L3MBTL4: variants seen among roughly 807,000 people sequenced by gnomAD.
L3MBTL4 encodes L3MBTL histone methyl-lysine binding protein 4.
In L3MBTL4, 70 loss-of-function variants were observed where a neutral mutation model predicts 84.5. That is an observed-to-expected ratio of 0.83 (90% CI 0.68 to 1.01). The LOEUF (loss-of-function observed/expected upper bound fraction) is 1.01, where lower values mean the gene tolerates loss of function less well. L3MBTL4 is among the 50% of genes least tolerant of loss of function. L3MBTL4 has a pLI of 0.00. For synonymous variants in L3MBTL4, 274 were observed against 259.8 expected, an observed-to-expected ratio of 1.05 and a Z score of -0.52; for missense variants, 715 against 754.8, an observed-to-expected ratio of 0.95 and a Z score of 0.62.
chr18:6,151,428 T>C (rs561652128), intron 13 of L3MBTL4, among the ~76,000 whole-genome samples: 2 of 152,196 alleles, frequency 1.3e-5, no homozygotes, highest in African/African-American at 2.4e-5. Context: ...TTTTCACTCT[T>C]GTTGCCCAGG....
intron 16 of L3MBTL4, among the ~76,000 whole-genome samples, chr18:6,028,245 G>GT (rs1383634440): frequency 1.3e-5 from 2 of 152,138 alleles, no homozygotes; most frequent in Non-Finnish European, 2.9e-5. Flanking sequence ...TCCAGTTTCT[G>GT]TTTTTTGCAT....
At chr18:6,355,879 C>CT (rs1399250317) in intron 1 of L3MBTL4, among the ~76,000 whole-genome samples, 1 of 151,832 alleles carries the variant, frequency 6.6e-6, no homozygotes, top group African/African-American at 2.4e-5. Context: ...ACCTCTGAAG[C>CT]TAGTACCATG....
rs9961686 is a variant in L3MBTL4 at position 6,043,636 on chromosome 18, A to G, written c.1444+37245T>C. Among the ~76,000 whole-genome samples, 5 of 152,214 alleles carry G rather than the reference A, an allele frequency of 3.3e-5. No homozygotes were observed. The East Asian group carries it at 5.8e-4, about 18-fold the overall frequency. ...AGGTTGATGTCTTTCAATACGGTCA[A>G]TCGATTAATCTATCTGCCCCACTAC... On this transcript the variant is annotated intron_variant, in intron 16 of 18. Transcript: ENST00000317931.
intron 12 of L3MBTL4, among the ~76,000 whole-genome samples, chr18:6,207,792 T>C (rs2045934426): frequency 6.6e-6 from 1 of 152,038 alleles, no homozygotes; most frequent in Non-Finnish European, 1.5e-5. Flanking sequence ...TCTATCCTCG[T>C]ATTTCAAAGC....
At chr18:6,389,407 T>G (rs341207) in intron 1 of L3MBTL4, among the ~76,000 whole-genome samples, 78,526 of 151,930 alleles carry the variant, frequency 0.52, 20,361 homozygotes, top group East Asian at 0.59. Flanking sequence ...AAAGTAGCTA[T>G]GTAATAATTA....
intron 16 of L3MBTL4, among the ~76,000 whole-genome samples, chr18:6,078,540 C>A (rs562753127): frequency 2.0e-5 from 3 of 150,340 alleles, no homozygotes; most frequent in Non-Finnish European, 4.4e-5. Context: ...ATTAAATAAT[C>A]GTTTAATATC....
intron 1 of L3MBTL4, among the ~76,000 whole-genome samples, chr18:6,380,438 TC>T (rs912491439): frequency 1.9e-3 from 283 of 152,374 alleles, no homozygotes; most frequent in African/African-American, 6.6e-3. Context: ...TTTTCTGCTT[TC>T]CCTTGTGGGC....
intron 12 of L3MBTL4, among the ~76,000 whole-genome samples, chr18:6,209,809 T>C (rs2046029593): frequency 6.6e-6 from 1 of 152,056 alleles, no homozygotes; most frequent in African/African-American, 2.4e-5. Flanking sequence ...TATTCAGAAA[T>C]AAAAAGGAAT....
chr18:6,404,421 G>A lies in L3MBTL4; in HGVS notation c.-91+10380C>T, dbSNP rs374910739. On this transcript the variant is annotated intron_variant, in intron 1 of 18. Coordinates refer to ENST00000317931, the MANE Select transcript of L3MBTL4 (RefSeq NM_001330559.2). ...ACATTTATTTGTATACCTGGCAGGG[G>A]AGGAGGGAAATTCAGGCTCTGGGAA... Among the ~76,000 whole-genome samples the A allele has an allele frequency of 1.0e-3, 156 of 152,320 alleles. 1 individual carries two copies. The highest frequency in any genetic ancestry group is 3.1e-3 in the African/African-American group (130 of 41,566).
rs766697139 is a variant in L3MBTL4 at position 6,363,162 on chromosome 18, G to A, written c.-90-51106C>T. ...AAGGAGAGAAAAATCGCCAAAAAAC[G>A]GTCAAGTCTCCGTTTCCTGAGTTCG... On this transcript the variant is annotated intron_variant, in intron 1 of 18. Transcript: ENST00000317931. Among the ~76,000 whole-genome samples the A allele has an allele frequency of 2.6e-5, 4 of 152,252 alleles. No homozygotes were observed. The East Asian group carries it at 7.7e-4, about 29-fold the overall frequency.
intron 15 of L3MBTL4, among the ~76,000 whole-genome samples, chr18:6,090,057 CAAATGAAAG>C (rs1321875805): frequency 6.6e-6 from 1 of 152,068 alleles, no homozygotes; most frequent in Non-Finnish European, 1.5e-5. Flanking sequence ...TATATGTACC[CAAATGAAAG>C]AAACTCAAGT....
At chr18:6,231,838 T>C (rs1378138002) in intron 10 of L3MBTL4, among the ~76,000 whole-genome samples, 3 of 152,130 alleles carry the variant, frequency 2.0e-5, no homozygotes, top group Non-Finnish European at 4.4e-5. Context: ...AATTTTGGCT[T>C]CTAACAGATA....
chr18:5,985,314 A>T (rs1233756443), intron 16 of L3MBTL4, among the ~76,000 whole-genome samples: 2 of 152,188 alleles, frequency 1.3e-5, no homozygotes, highest in Non-Finnish European at 2.9e-5. Flanking sequence ...ATAATGTTGC[A>T]GGTAAAGAAT....
At chr18:6,029,362 C>A in intron 16 of L3MBTL4, 4 of 716,846 alleles carry the variant, frequency 5.6e-6, no homozygotes, top group Non-Finnish European at 6.8e-6. Flanking sequence ...GAATAAAGAA[C>A]TTTCAATAGG....
At chr18:6,109,117 G>A (rs1427821704) in intron 14 of L3MBTL4, among the ~76,000 whole-genome samples, 1 of 152,122 alleles carries the variant, frequency 6.6e-6, no homozygotes, top group Non-Finnish European at 1.5e-5. Context: ...AAGAAAACTA[G>A]TGAAGGTACA....
At chr18:6,252,827 G>T (rs1047118742) in intron 5 of L3MBTL4, among the ~76,000 whole-genome samples, 1 of 152,234 alleles carries the variant, frequency 6.6e-6, no homozygotes, top group African/African-American at 2.4e-5. Context: ...AGTAGAAGAC[G>T]TTAAAAAGGC....
chr18:6,082,834 G>C (rs2058125640), intron 15 of L3MBTL4, among the ~76,000 whole-genome samples: 1 of 152,176 alleles, frequency 6.6e-6, no homozygotes, highest in African/African-American at 2.4e-5. Context: ...GATTACATCA[G>C]TAGAGAGATA....
At chr18:6,225,553 T>C (rs150258758) in intron 10 of L3MBTL4, among the ~76,000 whole-genome samples, 48 of 152,104 alleles carry the variant, frequency 3.2e-4, no homozygotes, top group African/African-American at 1.1e-3. Context: ...TGAGCTCAGG[T>C]GTTCAAGATA....
At chr18:6,231,366 T>C (rs1453646444) in intron 10 of L3MBTL4, among the ~76,000 whole-genome samples, 1 of 152,186 alleles carries the variant, frequency 6.6e-6, no homozygotes, top group African/African-American at 2.4e-5. Context: ...TTTTGCCTAC[T>C]TATCAAAGAT....
Sources: gnomAD v4.1 joint callset for allele counts (sites outside exome capture counted in the v4.1 genomes callset) on GRCh38, gnomAD v4.1.1 for gene constraint, MANE v1.5 for transcripts, NCBI Gene and HGNC (gene_info 2026-07-23, HGNC 2026-07-21) for gene names.